Variants in IL17RC observed in about 807,000 individuals in gnomAD.
The protein encoded by IL17RC is interleukin-17 receptor C.
IL17RC carries 53 observed loss-of-function variants against 86.7 expected under a neutral mutation model. That is an observed-to-expected ratio of 0.61 (90% CI 0.49 to 0.77). The LOEUF is 0.77. Ranked by LOEUF, IL17RC falls within the 30% of genes least tolerant of loss-of-function variation. IL17RC has a pLI of 0.00. For synonymous variants in IL17RC, 439 were observed against 413.1 expected (o/e 1.06, Z -0.76); for missense variants, 957 against 940.0 (o/e 1.02, Z -0.24).
intron 12 of IL17RC, 187 bp from the exon 13 acceptor site, chr3:9,929,665 C>T: frequency 2.9e-6 from 2 of 697,428 alleles, no homozygotes; most frequent in Non-Finnish European, 5.1e-6. Context: ...CAGATGATCT[C>T]ACAAGGCTGG....
intron 11 of IL17RC, 27 bp from the exon 12 acceptor site, chr3:9,928,553 A>G: frequency 1.2e-6 from 2 of 1,613,754 alleles, no homozygotes; most frequent in Non-Finnish European, 1.7e-6. Flanking sequence ...CCCTTTTGTG[A>G]TCCCACCCAT....
Position 9,922,951 on chromosome 3 carries a change from G to A in IL17RC, c.623-930G>A, listed in dbSNP as rs1191856102. Reference sequence around the variant, plus strand: ...AGCACTTTGGGAGGCCGAGGCTGGCGGATCACGAGGTCAGGAGATCGAGAC... The same window carrying A: ...AGCACTTTGGGAGGCCGAGGCTGGCAGATCACGAGGTCAGGAGATCGAGAC... On this transcript the variant is annotated intron_variant, in intron 7 of 18. Transcript: ENST00000403601. Among the ~76,000 whole-genome samples, 16 of 151,916 alleles carry A rather than the reference G, an allele frequency of 1.1e-4. No homozygotes were observed. In the South Asian group the frequency reaches 2.7e-3, roughly 26 times the overall value.
intron 16 of IL17RC, among the ~76,000 whole-genome samples, chr3:9,931,754 G>T (rs577305083): frequency 1.3e-5 from 2 of 151,108 alleles, no homozygotes; most frequent in African/African-American, 2.4e-5. Context: ...ATCCGCCCGC[G>T]TCGGCCTCCC....
chr3:9,922,322 C>G (rs1395867679), intron 7 of IL17RC, among the ~76,000 whole-genome samples: 1 of 150,590 alleles, frequency 6.6e-6, no homozygotes, highest in Non-Finnish European at 1.5e-5. Context: ...GTGAATACAT[C>G]ACATACTGTG....
At chr3:9,931,005 A>G in intron 16 of IL17RC, 62 bp downstream of exon 16, 3 of 1,300,984 alleles carry the variant, frequency 2.3e-6, no homozygotes. Context: ...GACAGGGACC[A>G]CTCTTGGGCA....
At chr3:9,932,520 G>A (rs112921255) in intron 16 of IL17RC, 88 bp from the exon 17 acceptor site, 1 of 1,245,488 alleles carries the variant, frequency 8.0e-7, no homozygotes, top group Non-Finnish European at 1.2e-6. Flanking sequence ...ATGAGCCACC[G>A]CACCCGGCCC....
intron 6 of IL17RC, 112 bp from the exon 7 acceptor site, chr3:9,920,813 G>T: frequency 1.2e-6 from 1 of 827,488 alleles, no homozygotes; most frequent in South Asian, 1.7e-5. Flanking sequence ...AGATGTGGGT[G>T]GTATGTAGGG....
chr3:9,926,405 A>G (rs1344926606), intron 9 of IL17RC, among the ~76,000 whole-genome samples: 1 of 152,134 alleles, frequency 6.6e-6, no homozygotes, highest in African/African-American at 2.4e-5. Flanking sequence ...TTATTTGGGC[A>G]TCTAATTTCT....
chr3:9,924,377 T>C (rs1247797513), intron 9 of IL17RC, 86 bp downstream of exon 9: 1 of 1,364,686 alleles, frequency 7.3e-7, no homozygotes, highest in African/African-American at 1.4e-5. Flanking sequence ...CTCACCATTC[T>C]TCAAACCCTT....
intron 9 of IL17RC, among the ~76,000 whole-genome samples, chr3:9,925,265 T>A (rs1200342723): frequency 6.6e-6 from 1 of 151,980 alleles, no homozygotes; most frequent in South Asian, 2.1e-4. Context: ...TACAGGTGCC[T>A]GCAACCACGC....
chr3:9,924,924 C>A (rs1212687903), intron 9 of IL17RC, among the ~76,000 whole-genome samples: 1 of 152,060 alleles, frequency 6.6e-6, no homozygotes, highest in Non-Finnish European at 1.5e-5. Context: ...GTCTCAGCCT[C>A]CCAAGTAGCT....
intron 7 of IL17RC, among the ~76,000 whole-genome samples, chr3:9,923,675 G>A (rs1049660907): frequency 1.3e-5 from 2 of 152,144 alleles, no homozygotes; most frequent in Non-Finnish European, 2.9e-5. Context: ...AGGGAGAATA[G>A]CTCTTCTCCG....
chr3:9,921,991 C>T (rs1388681618), intron 7 of IL17RC, among the ~76,000 whole-genome samples: 4 of 125,496 alleles, frequency 3.2e-5, no homozygotes, highest in Non-Finnish European at 4.7e-5. Flanking sequence ...CTTGCTCTGT[C>T]GCCTAGGCTG....
In IL17RC at chr3:9,927,769, C is replaced by T. The variant is rs912607047; in HGVS notation, c.823-397C>T. On this transcript the variant is annotated intron_variant, in intron 9 of 18. Transcript: ENST00000403601. ...CAGCCTGATCAATGTGGTGAAACCC[C>T]ATCTCTACTAAAAATACAAAAATTA... 2.0e-5 allele frequency among the ~76,000 whole-genome samples: 3 copies of T among 151,844 alleles called. 1 individual carries two copies. The highest frequency in any genetic ancestry group is 7.3e-5 in the African/African-American group (3 of 41,314).
intron 9 of IL17RC, 97 bp downstream of exon 9, chr3:9,924,388 C>T: frequency 7.8e-7 from 1 of 1,288,962 alleles, no homozygotes; most frequent in Non-Finnish European, 1.1e-6. Context: ...TCAAACCCTT[C>T]ATTGAGGTGG....
rs539988313 is a variant in IL17RC, at chr3:9,926,335, T to A, written c.823-1831T>A. Among the ~76,000 whole-genome samples the A allele has an allele frequency of 3.1e-4, 47 of 152,192 alleles. 1 individual carries two copies. Among genetic ancestry groups the A allele is most frequent in the Middle Eastern group, 6.8e-3 (2 of 294 alleles). ...GCGTGAGCCACTGTGCCCAGCCTGTTTTCATTTTTTAATGTTTTGTGGCGA... is the reference window on the plus strand; with the variant it reads ...GCGTGAGCCACTGTGCCCAGCCTGTATTCATTTTTTAATGTTTTGTGGCGA... On this transcript the variant is annotated intron_variant, in intron 9 of 18. Transcript: ENST00000403601.
In IL17RC at chr3:9,930,073, G is replaced by A. The variant is rs762328779; in HGVS notation, c.1202G>A (p.Arg401Gln). 1.4e-5 allele frequency: 22 copies of A among 1,613,966 alleles called. No individual in the cohort carries two copies. The highest frequency in any genetic ancestry group is 5.0e-5 in the Admixed American group (3 of 59,996). ...LKDDVLLLET[R>Q]GPQDNRSLCA... ...GACGATGTGCTACTGTTGGAGACAC[G>A]AGGCCCCCAGGACAACAGATCCCTC... Residue 401 changes from arginine (R) to glutamine (Q), a missense_variant, in exon 14 of 19, where the codon CGA becomes CAA. Transcript: ENST00000403601. The surrounding 1 kb of genome is among the most constrained non-coding windows in gnomAD (Gnocchi z 5.8).
In IL17RC at chr3:9,933,463, AAG is replaced by A. The variant is rs752617588; in HGVS notation, c.2040_2041del (p.Arg680SerfsTer14). 15 of 1,612,798 alleles carry A rather than the reference AAG, an allele frequency of 9.3e-6. No homozygotes were observed. Among genetic ancestry groups the A allele is most frequent in the African/African-American group, 1.3e-5 (1 of 74,930 alleles). ...CGCGCCCCGCGTTCCGGGCGGCTCC[AAG>A]AGAGAGCGGAGCAAGTGTCCCGGGC... is the stretch of plus-strand genomic sequence containing the variant. On this transcript the variant is annotated frameshift_variant, in exon 19 of 19. Coordinates refer to ENST00000403601, the MANE Select transcript of IL17RC (RefSeq NM_153460.4). LOFTEE classifies it low-confidence loss of function (END_TRUNC).
intron 7 of IL17RC, among the ~76,000 whole-genome samples, chr3:9,921,265 G>A (rs995252940): frequency 9.2e-5 from 14 of 152,176 alleles, no homozygotes; most frequent in African/African-American, 3.4e-4. Context: ...GACGAGCCTG[G>A]GCAACATGGC....
Sources: allele counts gnomAD v4.1 joint callset (sites outside exome capture counted in the v4.1 genomes callset), GRCh38; gene constraint gnomAD v4.1.1; non-coding constraint Gnocchi (gnomAD v3.1); transcripts MANE v1.5; gene names NCBI Gene and HGNC (gene_info 2026-07-23, HGNC 2026-07-21).